BACH2: variants seen among roughly 807,000 people sequenced by gnomAD.
The protein encoded by BACH2 is BACH transcriptional regulator 2.
In BACH2, 5 loss-of-function variants were observed where a neutral mutation model predicts 61.8. The observed-to-expected ratio is 0.08, with a 90% CI of 0.04 to 0.17. The LOEUF (loss-of-function observed/expected upper bound fraction) is 0.17. Among genes scored for constraint, BACH2 ranks in the 10% least tolerant of loss-of-function variants. The pLI is 1.00. For missense variants in BACH2, 824 were observed against 1,091.1 expected, an observed-to-expected ratio of 0.76 and a Z score of 3.45; for synonymous variants, 446 against 440.1, an observed-to-expected ratio of 1.01 and a Z score of -0.17.
intron 5 of BACH2, among the ~76,000 whole-genome samples, chr6:90,068,057 C>T (rs556659963): frequency 6.6e-6 from 1 of 152,176 alleles, no homozygotes; most frequent in South Asian, 2.1e-4. Context: ...CAGTTTACAC[C>T]CAAAGCATAA....
chr6:90,281,329 T>C (rs976314750), intron 1 of BACH2, among the ~76,000 whole-genome samples: 1 of 152,382 alleles, frequency 6.6e-6, no homozygotes, highest in African/African-American at 2.4e-5. Flanking sequence ...CTTGCTACTA[T>C]AACAACTCAC....
chr6:90,091,224 T>C (rs1057173552), intron 4 of BACH2, among the ~76,000 whole-genome samples: 2 of 152,190 alleles, frequency 1.3e-5, no homozygotes, highest in South Asian at 2.1e-4. Context: ...GTCAGTACCA[T>C]CTATAGCATC....
At position 90,219,097 on chromosome 6, in the gene BACH2, C is replaced by T. The variant is rs77604061; in HGVS notation, c.-274-12416G>A. On this transcript the variant is annotated intron_variant, in intron 3 of 8. Coordinates refer to ENST00000257749, the MANE Select transcript of BACH2 (RefSeq NM_021813.4). Reference sequence around the variant, plus strand: ...AGAAAAAAAATTGTTGTTTCCACTACAAAATTATCCTTCTCCCCACCTCCA... The same window carrying T: ...AGAAAAAAAATTGTTGTTTCCACTATAAAATTATCCTTCTCCCCACCTCCA... 2.0e-3 allele frequency among the ~76,000 whole-genome samples: 301 copies of T among 152,256 alleles called. 3 individuals are homozygous for T. The East Asian group carries it at 0.021, about 11-fold the overall frequency.
At chr6:90,011,430 G>A (rs1349211538) in intron 5 of BACH2, among the ~76,000 whole-genome samples, 1 of 150,258 alleles carries the variant, frequency 6.7e-6, no homozygotes, top group African/African-American at 2.5e-5. Context: ...TTTTTTTGGA[G>A]ACAAACCTTG....
chr6:90,006,004 G>C (rs1424511013), intron 6 of BACH2, among the ~76,000 whole-genome samples: 1 of 152,182 alleles, frequency 6.6e-6, no homozygotes, highest in Non-Finnish European at 1.5e-5. Context: ...TGTCTATACA[G>C]TGTGCCTCTT....
intron 2 of BACH2, among the ~76,000 whole-genome samples, chr6:90,271,523 T>C (rs1486788621): frequency 6.6e-6 from 1 of 152,136 alleles, no homozygotes; most frequent in Admixed American, 6.5e-5. Context: ...GTTTTTCTCA[T>C]GTTTATATTA....
Position 89,943,604 on chromosome 6 carries a change from G to A in BACH2, c.1837-5254C>T, listed in dbSNP as rs562150453. ...CATCTTTTTTAGGAGTTGCAATCAA[G>A]TGGTGCTGTATCTATCTCACCCAAC... On this transcript the variant is annotated intron_variant, in intron 7 of 8. Transcript: ENST00000257749. Among the ~76,000 whole-genome samples, 7 of 152,246 alleles carry A rather than the reference G, an allele frequency of 4.6e-5. No homozygotes were observed. The South Asian group carries it at 1.5e-3, about 32-fold the overall frequency.
At chr6:89,948,531 C>CA (rs1584516041) in intron 7 of BACH2, among the ~76,000 whole-genome samples, 1 of 152,066 alleles carries the variant, frequency 6.6e-6, no homozygotes, top group East Asian at 1.9e-4. Flanking sequence ...AAAGGAGAGA[C>CA]AAAAAACAAA....
intron 4 of BACH2, among the ~76,000 whole-genome samples, chr6:90,145,004 G>A (rs369020584): frequency 6.6e-6 from 1 of 152,126 alleles, no homozygotes; most frequent in Non-Finnish European, 1.5e-5. Flanking sequence ...CCCAGAGATC[G>A]TGACCTTTCT....
At chr6:90,209,045 GC>G (rs1182905781) in intron 3 of BACH2, among the ~76,000 whole-genome samples, 2 of 132,510 alleles carry the variant, frequency 1.5e-5, no homozygotes, top group African/African-American at 5.8e-5. Context: ...ATACACCAGG[GC>G]CTGTCGGGGG....
At chr6:90,256,696 AAG>A in intron 2 of BACH2, among the ~76,000 whole-genome samples, 1 of 152,202 alleles carries the variant, frequency 6.6e-6, no homozygotes, top group Admixed American at 6.5e-5. Flanking sequence ...AGATAGTAAA[AAG>A]GTTACTGTAG....
chr6:90,295,424 C>T (rs969988198), intron 1 of BACH2, among the ~76,000 whole-genome samples: 3 of 152,092 alleles, frequency 2.0e-5, no homozygotes, highest in Non-Finnish European at 4.4e-5. Flanking sequence ...CTTGGCCAGA[C>T]CGAGGTCGCC....
Position 90,039,771 on chromosome 6 carries a change from G to C in BACH2, c.-12-30915C>G, listed in dbSNP as rs75559543. On this transcript the variant is annotated intron_variant, in intron 5 of 8. Transcript: ENST00000257749. ...AAAACAAAAAACCCCTGCCTGTTTG[G>C]CAAGTAAAAAACAGCGTTTAATTAT... is the stretch of plus-strand genomic sequence containing the variant. 0.011 allele frequency among the ~76,000 whole-genome samples: 1,647 copies of C among 152,176 alleles called. 57 individuals are homozygous for C. In the East Asian group the frequency reaches 0.14, roughly 13 times the overall value.
chr6:90,098,181 G>C (rs1782458020), intron 4 of BACH2, among the ~76,000 whole-genome samples: 1 of 152,138 alleles, frequency 6.6e-6, no homozygotes, highest in African/African-American at 2.4e-5. Context: ...TTTCTAAACA[G>C]GGTTTTAAAG....
chr6:90,050,604 GA>G (rs1382891741), intron 5 of BACH2, among the ~76,000 whole-genome samples: 3 of 151,968 alleles, frequency 2.0e-5, no homozygotes, highest in South Asian at 4.2e-4. Flanking sequence ...CTTTTATCTT[GA>G]AAAATATAGT....
chr6:90,057,454 C>T (rs1216961036), intron 5 of BACH2, among the ~76,000 whole-genome samples: 1 of 152,158 alleles, frequency 6.6e-6, no homozygotes, highest in Non-Finnish European at 1.5e-5. Context: ...AGACCAATAA[C>T]AGGAGCTGAA....
At chr6:90,147,397 G>T (rs950337421) in intron 4 of BACH2, among the ~76,000 whole-genome samples, 3 of 152,030 alleles carry the variant, frequency 2.0e-5, no homozygotes, top group African/African-American at 7.3e-5. Flanking sequence ...TCTGCTGTTC[G>T]CAGCTTGTCA....
chr6:90,285,422 A>G (rs1436620355), intron 1 of BACH2, among the ~76,000 whole-genome samples: 4 of 152,228 alleles, frequency 2.6e-5, no homozygotes, highest in Admixed American at 1.3e-4. Context: ...AAGCCTAACT[A>G]AGTTAAAGGT....
At chr6:90,258,712 CAT>C (rs776501148) in intron 2 of BACH2, among the ~76,000 whole-genome samples, 24 of 152,008 alleles carry the variant, frequency 1.6e-4, no homozygotes, top group Non-Finnish European at 3.4e-4. Flanking sequence ...GATATCTTTC[CAT>C]TTTTTTGTGC....
Sources: allele counts gnomAD v4.1 joint callset (sites outside exome capture counted in the v4.1 genomes callset), GRCh38; gene constraint gnomAD v4.1.1; transcripts MANE v1.5; gene names NCBI Gene and HGNC (gene_info 2026-07-23, HGNC 2026-07-21).